KLHL42: variants seen among roughly 807,000 people sequenced by gnomAD.
KLHL42 encodes the protein kelch like family member 42, also known as kelch-like protein 42.
Under a neutral mutation model 32.7 loss-of-function variants are expected in KLHL42, and 27 were observed. That is an observed-to-expected ratio of 0.83 (90% CI 0.61 to 1.14). The LOEUF is 1.14. KLHL42 is among the 50% of genes most tolerant of loss of function. The probability of loss-of-function intolerance (pLI) is 0.00; values close to 1 mark genes in which losing one functional copy is unlikely to be tolerated. For missense variants in KLHL42, 491 were observed against 560.8 expected, an observed-to-expected ratio of 0.88 and a Z score of 1.26; for synonymous variants, 267 against 248.2, an observed-to-expected ratio of 1.08 and a Z score of -0.71.
rs572279069 is a variant in KLHL42, at chr12:27,791,690, T to C, written c.873-18T>C. 1.2e-6 allele frequency: 2 copies of C among 1,604,880 alleles called. No homozygotes were observed. The highest frequency in any genetic ancestry group is 3.3e-5 in the Admixed American group (2 of 59,964). On this transcript the variant is annotated intron_variant, in intron 1 of 2. Coordinates refer to ENST00000381271, the MANE Select transcript of KLHL42 (RefSeq NM_020782.2). ...ATCAGAAGAACTAACTCTGTGGGCCTTTGTGTCTCTCTTTCAGGTCTAACT... is the reference window on the plus strand; with the variant it reads ...ATCAGAAGAACTAACTCTGTGGGCCCTTGTGTCTCTCTTTCAGGTCTAACT...
In KLHL42 at chr12:27,797,834, G is replaced by A. The variant is rs752729834; in HGVS notation, c.1186G>A (p.Val396Met). 1.3e-6 allele frequency: 1 copy of A among 779,058 alleles called. No homozygotes were observed. The highest frequency in any genetic ancestry group is 2.4e-6 in the Non-Finnish European group (1 of 416,644). The allele number at this position is 779,058 out of a possible 1,614,324, so 48.3% of individuals were successfully genotyped here. A position where few individuals can be genotyped will look rare whatever the true frequency, so the allele number is the denominator to read the frequency against. ...MVSVEETIYI[V>M]GGCLHELGPN... ...GTCTGTGGAAGAGACCATCTACATC[G>A]TGGGGGGGTGTCTCCACGAGCTGGG... The change falls in exon 3 of 3, where the codon GTG (valine) becomes ATG (methionine). Residue 396 changes from valine (V) to methionine (M), a missense_variant. By Grantham distance (21) the Val-to-Met change is conservative. Coordinates refer to ENST00000381271, the MANE Select transcript of KLHL42 (RefSeq NM_020782.2).
chr12:27,789,572 TA>T (rs761057774), intron 1 of KLHL42, among the ~76,000 whole-genome samples: 3 of 152,212 alleles, frequency 2.0e-5, no homozygotes, highest in Non-Finnish European at 1.5e-5. Flanking sequence ...GGATAAATAC[TA>T]AAAACTGTTT....
intron 1 of KLHL42, chr12:27,787,751 G>A (rs1304384078): frequency 6.6e-6 from 1 of 152,200 alleles, no homozygotes; most frequent in Non-Finnish European, 1.5e-5. Context: ...TGGCAGAGAT[G>A]GAATTGCAGT....
At chr12:27,797,677 G>C (rs780552224) in intron 2 of KLHL42, 38 bp from the exon 3 acceptor site, 1 of 673,488 alleles carries the variant, frequency 1.5e-6, no homozygotes, top group East Asian at 2.5e-5. Context: ...AGTGGTGTTA[G>C]TGGAGGCGGT....
intron 2 of KLHL42, among the ~76,000 whole-genome samples, chr12:27,797,011 C>T (rs1021591755): frequency 2.0e-5 from 3 of 152,084 alleles, no homozygotes; most frequent in Admixed American, 1.3e-4. Flanking sequence ...CTACAACTGT[C>T]ATCTTGTGAG....
chr12:27,792,584 C>T (rs999974325), intron 2 of KLHL42, among the ~76,000 whole-genome samples: 3 of 152,192 alleles, frequency 2.0e-5, no homozygotes, highest in East Asian at 1.9e-4. Flanking sequence ...AGTGCAGTGG[C>T]GTGATCTCGG....
intron 1 of KLHL42, among the ~76,000 whole-genome samples, chr12:27,783,071 C>T (rs1204948963): frequency 6.6e-6 from 1 of 152,170 alleles, no homozygotes; most frequent in East Asian, 1.9e-4. Context: ...AACTTAACTA[C>T]TGAATAGCCT....
In KLHL42 at chr12:27,781,031, A is replaced by G. The variant is rs1282772622; in HGVS notation, c.701A>G (p.Asn234Ser). 4 of 1,613,130 alleles carry G rather than the reference A, an allele frequency of 2.5e-6. No individual in the cohort carries two copies. Among genetic ancestry groups the G allele is most frequent in the African/African-American group, 1.3e-5 (1 of 75,032 alleles). The change falls in exon 1 of 3, where the codon AAC becomes AGC. Residue 234 changes from asparagine to serine, a missense_variant. Asn to Ser is a conservative substitution (Grantham distance 46). This residue lies in a region of KLHL42 where 248 missense variants were observed against 329.2 expected (regional missense o/e 0.75). Transcript: ENST00000381271. Reference protein sequence around the residue: ...EMTERWFPLANNLPPDLVNVR... With the variant: ...EMTERWFPLASNLPPDLVNVR... ...ACTGAGCGTTGGTTCCCGCTGGCCA[A>G]CAACCTTCCTCCCGACCTGGTCAAT... is the stretch of plus-strand genomic sequence containing the variant.
intron 1 of KLHL42, among the ~76,000 whole-genome samples, chr12:27,791,092 CTG>C (rs999572857): frequency 3.9e-5 from 6 of 152,140 alleles, no homozygotes; most frequent in African/African-American, 1.2e-4. Flanking sequence ...TAAATACAAA[CTG>C]TGAATTTGTT....
chr12:27,794,642 C>T (rs1194473696), intron 2 of KLHL42, among the ~76,000 whole-genome samples: 3 of 152,090 alleles, frequency 2.0e-5, no homozygotes, highest in South Asian at 2.1e-4. Flanking sequence ...AGGCATGAGC[C>T]ACTGTGCCTG....
intron 1 of KLHL42, among the ~76,000 whole-genome samples, chr12:27,786,577 C>T (rs1411043396): frequency 6.6e-6 from 1 of 152,184 alleles, no homozygotes; most frequent in Non-Finnish European, 1.5e-5. Context: ...TACTTTGATT[C>T]ACCTTTGTCG....
At chr12:27,791,245 G>A (rs912596542) in intron 1 of KLHL42, among the ~76,000 whole-genome samples, 2 of 152,036 alleles carry the variant, frequency 1.3e-5, no homozygotes, top group Admixed American at 6.6e-5. Flanking sequence ...GTCACTCCTC[G>A]CACCTGCCTG....
In KLHL42 at chr12:27,780,595, G is replaced by T; in HGVS notation, c.265G>T (p.Gly89Trp). The T allele has an allele frequency of 6.5e-7, 1 of 1,543,124 alleles. No homozygotes were observed. Among genetic ancestry groups the T allele is most frequent in the East Asian group, 2.3e-5 (1 of 44,166 alleles). Reference sequence around the variant, plus strand: ...GGGCCCGCGCGGGGAAAAGGGCGGCGGGGTGGACGAGGACGAGGAGATGGA... The same window carrying T: ...GGGCCCGCGCGGGGAAAAGGGCGGCTGGGTGGACGAGGACGAGGAGATGGA... The part of the protein sequence containing the change: ...LLGPRGEKGG[G>W]VDEDEEMDEV... The change falls in exon 1 of 3, where the codon GGG becomes TGG. Residue 89 changes from glycine (G) to tryptophan (W), a missense_variant. By Grantham distance (184) the Gly-to-Trp change is radical. Coordinates refer to ENST00000381271, the MANE Select transcript of KLHL42 (RefSeq NM_020782.2). The surrounding 1 kb of genome is among the most constrained non-coding windows in gnomAD (Gnocchi z 8.8).
intron 2 of KLHL42, among the ~76,000 whole-genome samples, chr12:27,794,233 G>A (rs545847871): frequency 1.2e-3 from 180 of 152,220 alleles, no homozygotes; most frequent in African/African-American, 4.0e-3. Context: ...AGGTGTCAGC[G>A]GGGCTGTGCT....
chr12:27,782,930 T>C (rs1473795151), intron 1 of KLHL42, among the ~76,000 whole-genome samples: 1 of 152,170 alleles, frequency 6.6e-6, no homozygotes, highest in Non-Finnish European at 1.5e-5. Flanking sequence ...ATATTATAAA[T>C]GTATAAACAT....
At chr12:27,793,781 T>TA (rs2062207789) in intron 2 of KLHL42, among the ~76,000 whole-genome samples, 1 of 152,150 alleles carries the variant, frequency 6.6e-6, no homozygotes, top group Non-Finnish European at 1.5e-5. Flanking sequence ...CACATTATGG[T>TA]AGTAGACCTG....
chr12:27,787,843 T>A (rs1409629213), intron 1 of KLHL42: 1 of 152,240 alleles, frequency 6.6e-6, no homozygotes, highest in African/African-American at 2.4e-5. Context: ...GTGGTTGATG[T>A]TGTAGTAGAG....
Position 27,780,904 on chromosome 12 carries a change from G to A in KLHL42, c.574G>A (p.Gly192Arg). ...GAGGCTGAGGGAGGCCCGGATGACT[G>A]GGACTCCTGTCCTCGTGGCCCTCGG... is the stretch of plus-strand genomic sequence containing the variant. The part of the protein sequence containing the change: ...KQRLREARMT[G>R]TPVLVALGDF... Residue 192 changes from glycine to arginine, a missense_variant, in exon 1 of 3, where the codon GGG becomes AGG. Gly to Arg is a moderately radical substitution (Grantham distance 125). Coordinates refer to ENST00000381271, the MANE Select transcript of KLHL42 (RefSeq NM_020782.2). This position sits in a 1 kb window ranked among gnomAD's most constrained non-coding sequence, Gnocchi z 8.8. The A allele has an allele frequency of 6.2e-7, 1 of 1,609,800 alleles. No individual in the cohort carries two copies. Among genetic ancestry groups the A allele is most frequent in the Non-Finnish European group, 8.5e-7 (1 of 1,176,668 alleles).
chr12:27,780,288 C>G lies in KLHL42; in HGVS notation c.-43C>G. The G allele has an allele frequency of 6.7e-7, 1 of 1,500,276 alleles. No individual in the cohort carries two copies. The highest frequency in any genetic ancestry group is 8.9e-7 in the Non-Finnish European group (1 of 1,127,104). The allele number at this position is 1,500,276 out of a possible 1,614,324, so 92.9% of individuals were successfully genotyped here. On this transcript the variant is annotated 5_prime_UTR_variant, in exon 1 of 3. Transcript: ENST00000381271. This position sits in a 1 kb window ranked among gnomAD's most constrained non-coding sequence, Gnocchi z 8.8. ...GCGCGTAGGGGCTGGGAGGCCGGCG[C>G]GCAGATCTGGCGGTGAGCGCTGCCG...
Sources: gnomAD v4.1 joint callset for allele counts (sites outside exome capture counted in the v4.1 genomes callset) on GRCh38, gnomAD v4.1.1 for gene constraint, gnomAD v4.1.1 regional missense constraint, Gnocchi (gnomAD v3.1) non-coding constraint, MANE v1.5 for transcripts, NCBI Gene and HGNC (gene_info 2026-07-23, HGNC 2026-07-21) for gene names.